Variants in ADNP observed in about 807,000 individuals in gnomAD.
The protein encoded by ADNP is activity-dependent neuroprotector homeobox protein.
Under a neutral mutation model 84.9 loss-of-function variants are expected in ADNP, and 4 were observed. The ratio of observed to expected loss-of-function variants is 0.05; its 90% confidence interval spans 0.02 to 0.11. The LOEUF (loss-of-function observed/expected upper bound fraction) is 0.11. Among genes scored for constraint, ADNP ranks in the 10% least tolerant of loss-of-function variants. The pLI is 1.00. For missense variants in ADNP, 1,132 were observed against 1,326.0 expected (o/e 0.85, Z 2.27); for synonymous variants, 554 against 468.1 (o/e 1.18, Z -2.37).
chr20:50,907,222 C>T (rs1466287590), intron 2 of ADNP, among the ~76,000 whole-genome samples: 4 of 151,732 alleles, frequency 2.6e-5, no homozygotes, highest in African/African-American at 7.3e-5. Context: ...TTGTGATCCG[C>T]CCATCTCAGC....
At chr20:50,923,731 T>C (rs527542497) in intron 2 of ADNP, among the ~76,000 whole-genome samples, 4 of 152,326 alleles carry the variant, frequency 2.6e-5, no homozygotes, top group Non-Finnish European at 5.9e-5. Flanking sequence ...TTGGCCAGGC[T>C]GGTCTTGAAC....
chr20:50,891,913 G>A lies in ADNP; in HGVS notation c.2801C>T (p.Ser934Leu), dbSNP rs1980787962. Residue 934 changes from serine (S) to leucine (L), a missense_variant, in exon 6 of 6, where the codon TCA becomes TTA. Transcript: ENST00000621696. ...EEKLDQKEDG[S>L]KYETIHLTEE... The stretch of plus-strand genomic sequence containing the variant: ...AGTCAAATGAATAGTTTCGTATTTT[G>A]AACCATCCTCTTTTTGGTCTAGCTT... 6.2e-7 allele frequency: 1 copy of A among 1,614,092 alleles called. No homozygotes were observed. The highest frequency in any genetic ancestry group is 8.5e-7 in the Non-Finnish European group (1 of 1,180,054).
intron 2 of ADNP, among the ~76,000 whole-genome samples, chr20:50,928,148 C>G (rs750402064): frequency 3.3e-5 from 5 of 152,190 alleles, no homozygotes; most frequent in African/African-American, 4.8e-5. Context: ...AAAAATTCTC[C>G]TGTTAAGCAC....
In ADNP at chr20:50,892,572, A is replaced by G. The variant is rs1348381926; in HGVS notation, c.2142T>C (p.Pro714=). ...SRLNQSPSLA[P]VKRTYEQMEF... ...CCATTTGCTCGTAAGTGCGCTTCAC[A>G]GGTGCCAGACTTGGAGACTGATTAA... The change falls in exon 6 of 6, where the codon CCT becomes CCC. Residue 714 remains proline, a synonymous_variant. Transcript: ENST00000621696. 6.2e-7 allele frequency: 1 copy of G among 1,614,096 alleles called. No homozygotes were observed. The highest frequency in any genetic ancestry group is 1.3e-5 in the African/African-American group (1 of 74,934).
chr20:50,915,851 A>G (rs1230330512), intron 2 of ADNP, among the ~76,000 whole-genome samples: 1 of 152,210 alleles, frequency 6.6e-6, no homozygotes, highest in Non-Finnish European at 1.5e-5. Context: ...GCAAATGATG[A>G]CACACGTATG....
chr20:50,902,373 T>C (rs1982072359), intron 4 of ADNP, among the ~76,000 whole-genome samples: 1 of 152,166 alleles, frequency 6.6e-6, no homozygotes, highest in Non-Finnish European at 1.5e-5. Context: ...AAGTAAAAAA[T>C]TCAGCCACAC....
intron 5 of ADNP, among the ~76,000 whole-genome samples, chr20:50,899,908 T>C (rs902163544): frequency 6.8e-5 from 10 of 147,792 alleles, no homozygotes; most frequent in Non-Finnish European, 1.2e-4. Flanking sequence ...CAAGATTCAT[T>C]ATGAAGAGTG....
intron 2 of ADNP, among the ~76,000 whole-genome samples, chr20:50,920,555 A>G (rs1264136403): frequency 1.5e-5 from 2 of 134,614 alleles, no homozygotes; most frequent in East Asian, 4.2e-4. Context: ...GGACTCCATT[A>G]AAAAAAAAAA....
In ADNP at chr20:50,925,961, C is replaced by T. The variant is rs149840801; in HGVS notation, c.-90+2690G>A. 2.8e-4 allele frequency among the ~76,000 whole-genome samples: 42 copies of T among 152,250 alleles called. No homozygotes were observed. In the East Asian group the frequency reaches 2.9e-3, roughly 10 times the overall value. On this transcript the variant is annotated intron_variant, in intron 2 of 5. Coordinates refer to ENST00000621696, the MANE Select transcript of ADNP (RefSeq NM_001282531.3). ...ACTAAAAATACAAAAATTAACCAAG[C>T]GTTGTGGCAGGCACCTGTAATCCCA... is the stretch of plus-strand genomic sequence containing the variant.
chr20:50,891,238 C>G lies in ADNP; in HGVS notation c.*167G>C. ...GAGAAGGTTCTGAAGCAAGAACAGCCTGTCCTGTCATAGACTTAGAAATAA... is the reference window on the plus strand; with the variant it reads ...GAGAAGGTTCTGAAGCAAGAACAGCGTGTCCTGTCATAGACTTAGAAATAA... On this transcript the variant is annotated 3_prime_UTR_variant, in exon 6 of 6. Coordinates refer to ENST00000621696, the MANE Select transcript of ADNP (RefSeq NM_001282531.3). 2 of 1,369,982 alleles carry G rather than the reference C, an allele frequency of 1.5e-6. No individual in the cohort carries two copies. The highest frequency in any genetic ancestry group is 1.9e-6 in the Non-Finnish European group (2 of 1,068,084). 84.9% of individuals were successfully genotyped at this position (1,369,982 alleles called of 1,614,324 possible). A position where few individuals can be genotyped will look rare whatever the true frequency, so the allele number is the denominator to read the frequency against.
rs1285530214 is a variant in ADNP, at chr20:50,904,765, C to T, written c.-6+1G>A. On this transcript the variant is annotated splice_donor_variant, in intron 3 of 5. Transcript: ENST00000621696. LOFTEE classifies it low-confidence loss of function (5UTR_SPLICE). ...ACATCTGAAAACAGAAAAATGCTTA[C>T]CAGTTCATCATCATTACAGTTTTGA... 6.6e-6 allele frequency: 1 copy of T among 152,120 alleles called. No individual in the cohort carries two copies. Among genetic ancestry groups the T allele is most frequent in the Non-Finnish European group, 1.5e-5 (1 of 68,022 alleles). 9.4% of individuals were successfully genotyped at this position (152,120 alleles called of 1,614,324 possible).
intron 2 of ADNP, among the ~76,000 whole-genome samples, chr20:50,906,157 A>G (rs1982453508): frequency 6.6e-6 from 1 of 152,240 alleles, no homozygotes; most frequent in African/African-American, 2.4e-5. Flanking sequence ...GGTTGCAGTG[A>G]GCCAAGATCG....
chr20:50,891,233 A>G lies in ADNP; in HGVS notation c.*172T>C. 1 of 1,357,776 alleles carries G rather than the reference A, an allele frequency of 7.4e-7. No individual in the cohort carries two copies. The allele number at this position is 1,357,776 out of a possible 1,614,324, so 84.1% of individuals were successfully genotyped here. A position where few individuals can be genotyped will look rare whatever the true frequency, so the allele number is the denominator to read the frequency against. ...TGTCAGAGAAGGTTCTGAAGCAAGAACAGCCTGTCCTGTCATAGACTTAGA... is the reference window on the plus strand; with the variant it reads ...TGTCAGAGAAGGTTCTGAAGCAAGAGCAGCCTGTCCTGTCATAGACTTAGA... On this transcript the variant is annotated 3_prime_UTR_variant, in exon 6 of 6. Transcript: ENST00000621696.
intron 2 of ADNP, among the ~76,000 whole-genome samples, chr20:50,923,486 G>T (rs544461412): frequency 2.0e-3 from 300 of 152,074 alleles, no homozygotes; most frequent in Non-Finnish European, 2.8e-3. Context: ...CCTCAGAGAA[G>T]TTTTATTTGC....
At position 50,889,850 on chromosome 20, in the gene ADNP, C is replaced by T; in HGVS notation, c.*1555G>A. On this transcript the variant is annotated 3_prime_UTR_variant, in exon 6 of 6. Transcript: ENST00000621696. ...ACAGCCCTGTCAGTGCTGTGCTCTT[C>T]AAAGCCTTTCCCTTAATAGCAAGAG... 1 of 398,534 alleles carries T rather than the reference C, an allele frequency of 2.5e-6. No individual in the cohort carries two copies. The highest frequency in any genetic ancestry group is 4.4e-6 in the Non-Finnish European group (1 of 226,036). The allele number at this position is 398,534 out of a possible 1,614,324, so 24.7% of individuals were successfully genotyped here.
chr20:50,929,820 G>T (rs1169098318), intron 1 of ADNP, among the ~76,000 whole-genome samples: 1 of 151,968 alleles, frequency 6.6e-6, no homozygotes, highest in Non-Finnish European at 1.5e-5. Context: ...GACAAACACA[G>T]AAACAGTTTG....
chr20:50,929,409 C>G (rs2123025243), intron 1 of ADNP, among the ~76,000 whole-genome samples: 1 of 152,354 alleles, frequency 6.6e-6, no homozygotes, highest in Non-Finnish European at 1.5e-5. Flanking sequence ...CTGCTCTTGA[C>G]TCACTTAATC....
intron 5 of ADNP, 73 bp downstream of exon 5, chr20:50,901,944 A>C: frequency 8.9e-7 from 1 of 1,124,146 alleles, no homozygotes; most frequent in East Asian, 2.4e-5. Flanking sequence ...CTGCACCGCT[A>C]TAAAAGGCCT....
intron 2 of ADNP, among the ~76,000 whole-genome samples, chr20:50,910,090 A>G (rs1358429430): frequency 6.6e-6 from 1 of 152,238 alleles, no homozygotes; most frequent in African/African-American, 2.4e-5. Context: ...GAGAAAGTGA[A>G]TAAATAAGAG....
Sources: allele counts gnomAD v4.1 joint callset (sites outside exome capture counted in the v4.1 genomes callset), GRCh38; gene constraint gnomAD v4.1.1; transcripts MANE v1.5; gene names NCBI Gene and HGNC (gene_info 2026-07-23, HGNC 2026-07-21).